The following CTNND2 variants were observed in gnomAD, a reference collection of about 807,000 sequenced individuals.
CTNND2 encodes catenin delta 2.
In CTNND2, 22 loss-of-function variants were observed where a neutral mutation model predicts 144.4. That is an observed-to-expected ratio of 0.15 (90% CI 0.11 to 0.22). The LOEUF (loss-of-function observed/expected upper bound fraction) is 0.22, where lower values mean the gene tolerates loss of function less well. Ranked by LOEUF, CTNND2 falls within the 10% of genes least tolerant of loss-of-function variation. CTNND2 has a pLI of 1.00. For missense variants in CTNND2, 1,353 were observed against 1,618.8 expected, an observed-to-expected ratio of 0.84 and a Z score of 2.82; for synonymous variants, 751 against 695.6, an observed-to-expected ratio of 1.08 and a Z score of -1.25.
chr5:11,457,394 A>T (rs1765826373), intron 3 of CTNND2, among the ~76,000 whole-genome samples: 1 of 152,212 alleles, frequency 6.6e-6, no homozygotes, highest in South Asian at 2.1e-4. Context: ...CATGATAGAG[A>T]AACAATATTA....
intron 2 of CTNND2, among the ~76,000 whole-genome samples, chr5:11,597,568 G>A (rs997492477): frequency 5.3e-5 from 8 of 152,000 alleles, no homozygotes; most frequent in Non-Finnish European, 7.4e-5. Context: ...TGAGCAGTCC[G>A]AATTAGGGAA....
chr5:11,596,863 C>T (rs771725937), intron 2 of CTNND2, among the ~76,000 whole-genome samples: 4 of 152,066 alleles, frequency 2.6e-5, no homozygotes, highest in Non-Finnish European at 5.9e-5. Flanking sequence ...GTTTGCTTAT[C>T]GGCATTTTTT....
intron 3 of CTNND2, among the ~76,000 whole-genome samples, chr5:11,563,643 G>A (rs1159681529): frequency 1.3e-5 from 2 of 152,044 alleles, no homozygotes; most frequent in African/African-American, 4.8e-5. Context: ...AGAAGCAGAT[G>A]CTTTCACATA....
At chr5:11,123,137 A>G (rs1365760593) in intron 12 of CTNND2, among the ~76,000 whole-genome samples, 4 of 151,828 alleles carry the variant, frequency 2.6e-5, no homozygotes, top group Admixed American at 6.6e-5. Flanking sequence ...CAGCCCCGCT[A>G]CTCCTTCCTT....
chr5:11,225,162 G>A (rs1688797793), intron 10 of CTNND2, among the ~76,000 whole-genome samples: 1 of 152,114 alleles, frequency 6.6e-6, no homozygotes, highest in Admixed American at 6.5e-5. Context: ...CCACATTCTG[G>A]AAAACAGCTG....
chr5:11,250,519 A>T (rs1333235435), intron 9 of CTNND2, among the ~76,000 whole-genome samples: 5 of 83,258 alleles, frequency 6.0e-5, no homozygotes, highest in Admixed American at 1.4e-4. Context: ...ATATACATAT[A>T]TTTTTTTTTT....
At chr5:11,356,838 AAAAAAAGTTCCGATTTTAAAAT>A (rs1755937608) in intron 8 of CTNND2, among the ~76,000 whole-genome samples, 1 of 151,994 alleles carries the variant, frequency 6.6e-6, no homozygotes, top group Non-Finnish European at 1.5e-5. Context: ...ACAGCAAAAA[AAAAAAAGTTCCGATTTTAAAAT>A]GTGCAAAAGA....
At chr5:11,521,408 T>C (rs1772703038) in intron 3 of CTNND2, among the ~76,000 whole-genome samples, 1 of 152,202 alleles carries the variant, frequency 6.6e-6, no homozygotes. Context: ...ATAGATAAGG[T>C]AAGAGCTTAT....
chr5:11,735,999 G>A (rs1001142027), intron 1 of CTNND2, among the ~76,000 whole-genome samples: 1 of 152,084 alleles, frequency 6.6e-6, no homozygotes, highest in Non-Finnish European at 1.5e-5. Flanking sequence ...CAGGCTCTGA[G>A]CCAGTATTCT....
rs190846692 is a variant in CTNND2, at chr5:11,569,254, C to T, written c.175-4198G>A. Reference sequence around the variant, plus strand: ...AAAGAAGTTATAAGAAAAAGCAGAGCAGTGTTAGAAAGCCTAAATCTCCCC... The same window carrying T: ...AAAGAAGTTATAAGAAAAAGCAGAGTAGTGTTAGAAAGCCTAAATCTCCCC... On this transcript the variant is annotated intron_variant, in intron 2 of 21. Coordinates refer to ENST00000304623, the MANE Select transcript of CTNND2 (RefSeq NM_001332.4). Among the ~76,000 whole-genome samples, 270 of 152,192 alleles carry T rather than the reference C, an allele frequency of 1.8e-3. 1 individual carries two copies. The highest frequency in any genetic ancestry group is 6.2e-3 in the African/African-American group (257 of 41,522).
chr5:11,765,593 G>C (rs1789535952), intron 1 of CTNND2, among the ~76,000 whole-genome samples: 1 of 152,134 alleles, frequency 6.6e-6, no homozygotes, highest in African/African-American at 2.4e-5. Flanking sequence ...GATCAGATTT[G>C]AATATTTTGG....
rs921987659 is a variant in CTNND2 at position 11,504,700 on chromosome 5, C to T, written c.287+60244G>A. Among the ~76,000 whole-genome samples the T allele has an allele frequency of 2.0e-5, 3 of 152,178 alleles. No homozygotes were observed. In the East Asian group the frequency reaches 5.8e-4, roughly 29 times the overall value. Reference sequence around the variant, plus strand: ...GATGGCTGTGGGGAGCTGATGCTTGCCTTTTTCAGATACATTTCATGGGTT... The same window carrying T: ...GATGGCTGTGGGGAGCTGATGCTTGTCTTTTTCAGATACATTTCATGGGTT... On this transcript the variant is annotated intron_variant, in intron 3 of 21. Transcript: ENST00000304623.
Position 11,358,112 on chromosome 5 carries a change from C to A in CTNND2, c.1372+6584G>T, listed in dbSNP as rs1355477767. Reference sequence around the variant, plus strand: ...TGATGTAATTCCACGTATGAGGTGACACATCTTCCAGTAATTGGGGTGCAT... The same window carrying A: ...TGATGTAATTCCACGTATGAGGTGAAACATCTTCCAGTAATTGGGGTGCAT... On this transcript the variant is annotated intron_variant, in intron 8 of 21. Coordinates refer to ENST00000304623, the MANE Select transcript of CTNND2 (RefSeq NM_001332.4). 6.6e-5 allele frequency among the ~76,000 whole-genome samples: 10 copies of A among 152,280 alleles called. 1 individual carries two copies. In the South Asian group the frequency reaches 1.0e-3, roughly 16 times the overall value.
intron 13 of CTNND2, 150 bp from the exon 14 acceptor site, chr5:11,111,193 A>T: frequency 1.3e-6 from 1 of 754,492 alleles, no homozygotes; most frequent in Non-Finnish European, 2.1e-6. Context: ...TGATGGCCAC[A>T]GTGGAAAACA....
intron 3 of CTNND2, among the ~76,000 whole-genome samples, chr5:11,416,387 A>G (rs914502489): frequency 2.0e-5 from 3 of 152,228 alleles, no homozygotes; most frequent in Admixed American, 6.5e-5. Context: ...AAAAAGCACT[A>G]ATCACTTCAA....
At chr5:11,488,404 A>G (rs1581316829) in intron 3 of CTNND2, among the ~76,000 whole-genome samples, 4 of 152,290 alleles carry the variant, frequency 2.6e-5, no homozygotes, top group Admixed American at 2.6e-4. Context: ...CTATCTAAAT[A>G]CAGTTATTTC....
intron 3 of CTNND2, among the ~76,000 whole-genome samples, chr5:11,476,753 G>A (rs1400621967): frequency 6.6e-6 from 1 of 152,078 alleles, no homozygotes; most frequent in Non-Finnish European, 1.5e-5. Context: ...AAAATGTAAA[G>A]TGCTATATAA....
At chr5:11,502,666 C>A (rs1386204730) in intron 3 of CTNND2, among the ~76,000 whole-genome samples, 1 of 152,128 alleles carries the variant, frequency 6.6e-6, no homozygotes, top group East Asian at 1.9e-4. Flanking sequence ...CACAAAGAAT[C>A]CGGGAACATT....
intron 16 of CTNND2, among the ~76,000 whole-genome samples, chr5:11,081,868 C>G (rs1158998285): frequency 6.6e-6 from 1 of 152,054 alleles, no homozygotes; most frequent in Admixed American, 6.5e-5. Flanking sequence ...ACAGTGTTTG[C>G]CTTTGGGGTG....
Sources: allele counts gnomAD v4.1 joint callset (sites outside exome capture counted in the v4.1 genomes callset), GRCh38; gene constraint gnomAD v4.1.1; transcripts MANE v1.5; gene names NCBI Gene and HGNC (gene_info 2026-07-23, HGNC 2026-07-21).